Variants in IGSF11 observed in about 807,000 individuals in gnomAD.
IGSF11 encodes the protein CXADR like 1.
A neutral mutation model predicts 41.0 loss-of-function variants in IGSF11; 22 were observed. That is an observed-to-expected ratio of 0.54 (90% confidence interval 0.38 to 0.77). The LOEUF is 0.77. IGSF11 is among the 30% of genes least tolerant of loss of function. IGSF11 has a pLI of 0.00. For missense variants in IGSF11, 444 were observed against 530.8 expected (o/e 0.84, Z 1.61); for synonymous variants, 219 against 201.3 (o/e 1.09, Z -0.74).
intron 1 of IGSF11, among the ~76,000 whole-genome samples, chr3:119,062,539 T>C (rs538324785): frequency 1.6e-4 from 25 of 152,300 alleles, no homozygotes; most frequent in African/African-American, 5.3e-4. Flanking sequence ...GCAAAATACA[T>C]AGTCATATTA....
intron 1 of IGSF11, among the ~76,000 whole-genome samples, chr3:119,027,956 T>A (rs1939984360): frequency 6.6e-6 from 1 of 152,196 alleles, no homozygotes; most frequent in African/African-American, 2.4e-5. Flanking sequence ...TGATGCTTAC[T>A]ACAGTACTGC....
Position 119,024,973 on chromosome 3 carries a change from T to A in IGSF11, c.52+9558A>T, listed in dbSNP as rs189273281. On this transcript the variant is annotated intron_variant, in intron 1 of 6. Transcript: ENST00000393775. ...AAGGATTGAAGAGAAAAAATAGGTA[T>A]GTACACAGCCTAAGTCAAAGTAAGT... Among the ~76,000 whole-genome samples the A allele has an allele frequency of 1.4e-3, 216 of 152,270 alleles. 1 individual carries two copies. The highest frequency in any genetic ancestry group is 2.7e-3 in the Non-Finnish European group (187 of 68,026).
rs530753405 is a variant in IGSF11, at chr3:119,025,394, C to T, written c.52+9137G>A. On this transcript the variant is annotated intron_variant, in intron 1 of 6. Coordinates refer to ENST00000393775, the MANE Select transcript of IGSF11 (RefSeq NM_001015887.3). ...TCCAGTGGCACACCCTAAATAGACT[C>T]ATCTCCTGACTTAAAAATTGGGACT... 2.9e-3 allele frequency among the ~76,000 whole-genome samples: 436 copies of T among 148,850 alleles called. 2 individuals carry two copies. Among genetic ancestry groups the T allele is most frequent in the Non-Finnish European group, 3.3e-3 (215 of 65,402 alleles).
intron 1 of IGSF11, among the ~76,000 whole-genome samples, chr3:119,131,817 T>A (rs1478976236): frequency 6.6e-6 from 1 of 152,090 alleles, no homozygotes; most frequent in Non-Finnish European, 1.5e-5. Flanking sequence ...TCAGGTTACC[T>A]ACAAAGGGAA....
At chr3:118,988,219 G>A (rs751025556) in intron 1 of IGSF11, among the ~76,000 whole-genome samples, 3 of 152,198 alleles carry the variant, frequency 2.0e-5, no homozygotes, top group Non-Finnish European at 4.4e-5. Context: ...CTAATTGCTG[G>A]CACAGTATGT....
In IGSF11 at chr3:118,969,178, T is replaced by C. The variant is rs72968633; in HGVS notation, c.53-38903A>G. Among the ~76,000 whole-genome samples, 765 of 151,772 alleles carry C rather than the reference T, an allele frequency of 5.0e-3. 5 individuals carry two copies. Among genetic ancestry groups the C allele is most frequent in the African/African-American group, 0.017 (719 of 41,366 alleles). Reference sequence around the variant, plus strand: ...CAAGAAACAAAAAGCACTATGCAAGTGCCAAGTGGTAAATATTAAAAAAAA... The same window carrying C: ...CAAGAAACAAAAAGCACTATGCAAGCGCCAAGTGGTAAATATTAAAAAAAA... On this transcript the variant is annotated intron_variant, in intron 1 of 6. Transcript: ENST00000393775.
At chr3:119,109,971 C>T (rs1016361294), upstream of IGSF11, among the ~76,000 whole-genome samples, 4 of 152,176 alleles carry the variant, frequency 2.6e-5, no homozygotes, top group Admixed American at 2.6e-4. Context: ...GTTATAATTT[C>T]TGTTCTGTCA....
At position 119,125,252 on chromosome 3, in the gene IGSF11, C is replaced by A. The variant is rs2077387666; in HGVS notation, c.-13-20047G>T. 1.3e-5 allele frequency among the ~76,000 whole-genome samples: 2 copies of A among 152,168 alleles called. 1 individual carries two copies. The highest frequency in any genetic ancestry group is 2.9e-5 in the Non-Finnish European group (2 of 68,030). ...CAGTGCCAAGATGGCCAACTAGAAG[C>A]AGCTGCGTTTGGAGGCTCCTGTTAT... On this transcript the variant is annotated intron_variant, in intron 1 of 7. Transcript: ENST00000425327.
chr3:118,977,532 G>C (rs930072944), intron 1 of IGSF11, among the ~76,000 whole-genome samples: 1 of 152,156 alleles, frequency 6.6e-6, no homozygotes, highest in African/African-American at 2.4e-5. Context: ...ACTTCAAATA[G>C]ATCATCCAAG....
chr3:118,906,020 C>T (rs996330062), intron 4 of IGSF11, among the ~76,000 whole-genome samples: 1 of 152,152 alleles, frequency 6.6e-6, no homozygotes, highest in Non-Finnish European at 1.5e-5. Flanking sequence ...GTAGCTAATA[C>T]TTATCCTAGG....
chr3:119,034,487 A>G, intron 1 of IGSF11, 44 bp downstream of exon 1: 1 of 1,470,928 alleles, frequency 6.8e-7, no homozygotes, highest in South Asian at 1.4e-5. Flanking sequence ...GGGCCCGCCG[A>G]CCCGGCCTGG....
intron 1 of IGSF11, among the ~76,000 whole-genome samples, chr3:119,030,955 T>C (rs1940336811): frequency 6.6e-6 from 1 of 152,146 alleles, no homozygotes; most frequent in Non-Finnish European, 1.5e-5. Context: ...GAATCCCTAT[T>C]CTAAATAAAC....
At chr3:119,112,931 A>C (rs891950821) in intron 1 of IGSF11, among the ~76,000 whole-genome samples, 23 of 152,190 alleles carry the variant, frequency 1.5e-4, no homozygotes, top group African/African-American at 5.1e-4. Context: ...GGAAACTTAC[A>C]ATCATGACAG....
intron 1 of IGSF11, among the ~76,000 whole-genome samples, chr3:119,021,967 C>A (rs969832568): frequency 6.6e-6 from 1 of 152,058 alleles, no homozygotes; most frequent in Non-Finnish European, 1.5e-5. Flanking sequence ...TTTTTAAACC[C>A]ACTGAAACCA....
At chr3:119,035,009 G>A (rs938137021), upstream of IGSF11, 1 of 200,842 alleles carries the variant, frequency 5.0e-6, no homozygotes, top group South Asian at 1.7e-4. Context: ...GGAGCAGAGC[G>A]CGGCGCGCAG....
upstream of IGSF11, among the ~76,000 whole-genome samples, chr3:119,039,390 C>G (rs1047043152): frequency 3.9e-5 from 6 of 152,218 alleles, no homozygotes; most frequent in African/African-American, 1.4e-4. Flanking sequence ...CCAGCAACAT[C>G]TGGCCAAGCC....
intron 1 of IGSF11, among the ~76,000 whole-genome samples, chr3:119,139,884 T>G (rs2077617973): frequency 6.6e-6 from 1 of 152,188 alleles, no homozygotes; most frequent in Non-Finnish European, 1.5e-5. Flanking sequence ...GACGGGAACA[T>G]AGTATACTGG....
At chr3:118,946,954 T>G (rs926690021) in intron 1 of IGSF11, 2 of 152,216 alleles carry the variant, frequency 1.3e-5, no homozygotes, top group Admixed American at 6.5e-5. Context: ...TGTTAAGAAT[T>G]TAAGGTACTA....
intron 1 of IGSF11, among the ~76,000 whole-genome samples, chr3:119,137,110 G>A (rs570166252): frequency 6.4e-4 from 98 of 152,002 alleles, no homozygotes; most frequent in Non-Finnish European, 1.3e-3. Flanking sequence ...CATGTTCATG[G>A]ATTAAAAGAA....
Sources: gnomAD v4.1 joint callset for allele counts (sites outside exome capture counted in the v4.1 genomes callset) on GRCh38, gnomAD v4.1.1 for gene constraint, MANE v1.5 for transcripts, NCBI Gene and HGNC (gene_info 2026-07-23, HGNC 2026-07-21) for gene names.